KAZN: variants seen among roughly 807,000 people sequenced by gnomAD.
KAZN encodes the protein kazrin, periplakin interacting protein, also known as kazrin.
A neutral mutation model predicts 87.4 loss-of-function variants in KAZN; 40 were observed. The ratio of observed to expected loss-of-function variants is 0.46; its 90% CI spans 0.36 to 0.60. KAZN has a LOEUF of 0.60. Among genes scored for constraint, KAZN ranks in the 20% least tolerant of loss-of-function variants. The pLI is 0.00. For missense variants in KAZN, 898 were observed against 1,073.9 expected, an observed-to-expected ratio of 0.84 and a Z score of 2.29; for synonymous variants, 466 against 458.3, an observed-to-expected ratio of 1.02 and a Z score of -0.22.
chr1:14,827,817 A>G (rs1646941009), intron 1 of KAZN, among the ~76,000 whole-genome samples: 10 of 152,156 alleles, frequency 6.6e-5, no homozygotes, highest in Admixed American at 6.5e-4. Context: ...GAAACTCTCC[A>G]CTCAAGGATC....
intron 8 of KAZN, among the ~76,000 whole-genome samples, chr1:15,089,742 A>AAAC (rs1310271372): frequency 1.2e-5 from 1 of 84,486 alleles, no homozygotes; most frequent in Non-Finnish European, 2.2e-5. Flanking sequence ...CAAAAAAAAA[A>AAAC]AAAAAAAAAA....
intron 1 of KAZN, among the ~76,000 whole-genome samples, chr1:14,662,828 T>C (rs890018105): frequency 6.7e-6 from 1 of 150,000 alleles, no homozygotes; most frequent in African/African-American, 2.4e-5. Flanking sequence ...ACCTGCCATG[T>C]GCCAAGTACT....
intron 1 of KAZN, among the ~76,000 whole-genome samples, chr1:14,060,500 A>G (rs1265467793): frequency 1.3e-5 from 2 of 152,216 alleles, no homozygotes; most frequent in Non-Finnish European, 2.9e-5. Context: ...ATGTTATCAG[A>G]ATGCACTTAT....
chr1:14,598,851 G>A lies in KAZN; in HGVS notation c.-147G>A. The A allele has an allele frequency of 7.1e-7, 1 of 1,417,036 alleles. No homozygotes were observed. The highest frequency in any genetic ancestry group is 9.2e-7 in the Non-Finnish European group (1 of 1,092,216). 87.8% of individuals were successfully genotyped at this position (1,417,036 alleles called of 1,614,324 possible). On this transcript the variant is annotated 5_prime_UTR_variant, in exon 1 of 15. Transcript: ENST00000376030. This position sits in a 1 kb window ranked among gnomAD's most constrained non-coding sequence, Gnocchi z 4.2. ...TGTCATTCCTGTGCCGGAGGAACCGGCGCTGCCGGTGCCTGGGGGTCGGGG... is the reference window on the plus strand; with the variant it reads ...TGTCATTCCTGTGCCGGAGGAACCGACGCTGCCGGTGCCTGGGGGTCGGGG...
intron 1 of KAZN, among the ~76,000 whole-genome samples, chr1:13,903,530 G>A (rs902474278): frequency 2.0e-5 from 3 of 152,212 alleles, no homozygotes; most frequent in Non-Finnish European, 4.4e-5. Flanking sequence ...GAAGGACAAA[G>A]ACAATGTCAT....
intron 1 of KAZN, among the ~76,000 whole-genome samples, chr1:14,035,179 G>A (rs536042565): frequency 1.4e-3 from 206 of 152,308 alleles, no homozygotes; most frequent in African/African-American, 4.9e-3. Flanking sequence ...AGGGCAGATA[G>A]GCAGATTAAT....
Position 14,725,185 on chromosome 1 carries a change from C to A in KAZN, c.226+125962C>A, listed in dbSNP as rs570123130. 2.6e-5 allele frequency among the ~76,000 whole-genome samples: 4 copies of A among 152,308 alleles called. No homozygotes were observed. The East Asian group carries it at 5.8e-4, about 22-fold the overall frequency. ...TTCCCTCTCACTCACTGGGTGCCTC[C>A]TGTGTGCCAAGTATTCTCATTTCAA... On this transcript the variant is annotated intron_variant, in intron 1 of 14. Coordinates refer to ENST00000376030, the MANE Select transcript of KAZN (RefSeq NM_201628.3).
At position 15,022,402 on chromosome 1, in the gene KAZN, A is replaced by G. The variant is rs539683993; in HGVS notation, c.419-12347A>G. Among the ~76,000 whole-genome samples, 9 of 152,294 alleles carry G rather than the reference A, an allele frequency of 5.9e-5. No individual in the cohort carries two copies. In the South Asian group the frequency reaches 1.9e-3, roughly 32 times the overall value. The stretch of plus-strand genomic sequence containing the variant: ...GTTGGGGAGCTTTTGCTCTCATTCA[A>G]TACGCATTATTCAATACTATTATCC... On this transcript the variant is annotated intron_variant, in intron 2 of 14. Coordinates refer to ENST00000376030, the MANE Select transcript of KAZN (RefSeq NM_201628.3).
chr1:14,886,845 C>T (rs1339613517), intron 1 of KAZN, among the ~76,000 whole-genome samples: 5 of 152,154 alleles, frequency 3.3e-5, no homozygotes, highest in African/African-American at 1.2e-4. Flanking sequence ...TGTATATGTA[C>T]ACTTACACAC....
chr1:14,368,304 C>T (rs368541319), intron 2 of KAZN, among the ~76,000 whole-genome samples: 1 of 152,096 alleles, frequency 6.6e-6, no homozygotes, highest in Admixed American at 6.5e-5. Flanking sequence ...TGTTTACAGA[C>T]GGGATGCATC....
At chr1:14,888,590 T>G (rs897640375) in intron 1 of KAZN, among the ~76,000 whole-genome samples, 2 of 151,984 alleles carry the variant, frequency 1.3e-5, no homozygotes, top group East Asian at 3.9e-4. Flanking sequence ...ATATAGCTTT[T>G]TGCGTGAATT....
chr1:14,294,658 G>C (rs990970121), intron 2 of KAZN, among the ~76,000 whole-genome samples: 1 of 143,168 alleles, frequency 7.0e-6, no homozygotes, highest in Non-Finnish European at 1.5e-5. Context: ...CAGTTTCCCT[G>C]GCAGGGTTTT....
chr1:15,021,086 T>G lies in KAZN; in HGVS notation c.419-13663T>G, dbSNP rs1345519106. Among the ~76,000 whole-genome samples, 1 of 152,138 alleles carries G rather than the reference T, an allele frequency of 6.6e-6. No homozygotes were observed. The highest frequency in any genetic ancestry group is 2.4e-5 in the African/African-American group (1 of 41,422). Reference sequence around the variant, plus strand: ...AGGGCAGCTTCCCGATGGACAGTCTTGAGTAGGACACCAAAACCCAGAGAG... The same window carrying G: ...AGGGCAGCTTCCCGATGGACAGTCTGGAGTAGGACACCAAAACCCAGAGAG... On this transcript the variant is annotated intron_variant, in intron 2 of 14. Coordinates refer to ENST00000376030, the MANE Select transcript of KAZN (RefSeq NM_201628.3). This position sits in a 1 kb window ranked among gnomAD's most constrained non-coding sequence, Gnocchi z 4.2.
chr1:14,452,303 G>A (rs1667320575), intron 2 of KAZN, among the ~76,000 whole-genome samples: 1 of 152,178 alleles, frequency 6.6e-6, no homozygotes, highest in Non-Finnish European at 1.5e-5. Flanking sequence ...ACCTTGAAAA[G>A]CACTCTCTGA....
chr1:14,642,042 T>C (rs560359256), intron 1 of KAZN, among the ~76,000 whole-genome samples: 1 of 152,272 alleles, frequency 6.6e-6, no homozygotes, highest in African/African-American at 2.4e-5. Context: ...GAAGAGGATA[T>C]ATGGATGACA....
chr1:14,904,792 C>T (rs1456155416), intron 1 of KAZN, among the ~76,000 whole-genome samples: 1 of 152,200 alleles, frequency 6.6e-6, no homozygotes, highest in African/African-American at 2.4e-5. Context: ...GATGGAGTCT[C>T]GCTGTGTCAC....
intron 1 of KAZN, among the ~76,000 whole-genome samples, chr1:14,602,592 T>C (rs1432434213): frequency 6.6e-6 from 1 of 152,212 alleles, no homozygotes; most frequent in East Asian, 1.9e-4. Context: ...ATAACATCTC[T>C]GGGAAAATGT....
chr1:14,908,579 G>A (rs569130311), intron 1 of KAZN, among the ~76,000 whole-genome samples: 1 of 151,930 alleles, frequency 6.6e-6, no homozygotes, highest in Admixed American at 6.5e-5. Flanking sequence ...AAAATTACCT[G>A]GGTGTGGAGG....
chr1:14,667,624 C>T (rs539773547), intron 1 of KAZN, among the ~76,000 whole-genome samples: 1 of 152,232 alleles, frequency 6.6e-6, no homozygotes, highest in African/African-American at 2.4e-5. Flanking sequence ...GCAGATTTCT[C>T]TTCAGGTTGT....
Sources: gnomAD v4.1 joint callset for allele counts (sites outside exome capture counted in the v4.1 genomes callset) on GRCh38, gnomAD v4.1.1 for gene constraint, Gnocchi (gnomAD v3.1) non-coding constraint, MANE v1.5 for transcripts, NCBI Gene and HGNC (gene_info 2026-07-23, HGNC 2026-07-21) for gene names.